The following LHFPL3 variants were observed in gnomAD, a reference collection of about 807,000 sequenced individuals.
LHFPL3 encodes LHFPL tetraspan subfamily member 3 protein.
In LHFPL3, 5 loss-of-function variants were observed where a neutral mutation model predicts 19.3. The ratio of observed to expected loss-of-function variants is 0.26; its 90% confidence interval spans 0.14 to 0.54. The LOEUF is 0.54. Ranked by LOEUF, LHFPL3 falls within the 20% of genes least tolerant of loss-of-function variation. The pLI, the probability that LHFPL3 is intolerant of heterozygous loss-of-function variation, is 0.94. For missense variants in LHFPL3, 249 were observed against 307.4 expected (o/e 0.81, Z 1.42); for synonymous variants, 133 against 126.2 (o/e 1.05, Z -0.36).
chr7:104,483,188 A>G (rs1195753506), intron 1 of LHFPL3, among the ~76,000 whole-genome samples: 1 of 152,198 alleles, frequency 6.6e-6, no homozygotes, highest in Non-Finnish European at 1.5e-5. Flanking sequence ...GATAAACAGG[A>G]ACCAGTCATT....
intron 1 of LHFPL3, among the ~76,000 whole-genome samples, chr7:104,536,135 C>T (rs903551545): frequency 2.0e-5 from 3 of 152,190 alleles, no homozygotes; most frequent in Non-Finnish European, 4.4e-5. Flanking sequence ...AAACTCATAT[C>T]AAGATGAAAT....
intron 1 of LHFPL3, among the ~76,000 whole-genome samples, chr7:104,652,031 G>A (rs916343335): frequency 6.6e-6 from 1 of 152,214 alleles, no homozygotes; most frequent in Non-Finnish European, 1.5e-5. Flanking sequence ...AGACCAGGAG[G>A]AGGAGAGAGG....
chr7:104,485,306 CAT>C lies in LHFPL3; in HGVS notation c.445+156085_445+156086del, dbSNP rs1308108577. On this transcript the variant is annotated intron_variant, in intron 1 of 2. Coordinates refer to ENST00000424859, the MANE Select transcript of LHFPL3 (RefSeq NM_199000.3). Reference sequence around the variant, plus strand: ...TTCTTTAAAAAAAATCAGAGATTCTCATATGTTTTATTTTCTTGGAACTACTG... The same window carrying C: ...TTCTTTAAAAAAAATCAGAGATTCTCATGTTTTATTTTCTTGGAACTACTG... 2.0e-5 allele frequency among the ~76,000 whole-genome samples: 3 copies of C among 151,918 alleles called. No individual in the cohort carries two copies. In the East Asian group the frequency reaches 5.8e-4, roughly 29 times the overall value.
intron 1 of LHFPL3, among the ~76,000 whole-genome samples, chr7:104,596,723 T>C (rs1790868897): frequency 6.6e-6 from 1 of 152,250 alleles, no homozygotes; most frequent in Non-Finnish European, 1.5e-5. Context: ...TCAGATACCG[T>C]GTAATACAAC....
intron 1 of LHFPL3, among the ~76,000 whole-genome samples, chr7:104,582,834 T>C (rs1432149397): frequency 1.3e-5 from 2 of 151,944 alleles, no homozygotes; most frequent in African/African-American, 4.8e-5. Context: ...TTTGAATCAA[T>C]TTGCTAATGT....
At chr7:104,516,339 C>T (rs537404886) in intron 1 of LHFPL3, among the ~76,000 whole-genome samples, 1 of 152,188 alleles carries the variant, frequency 6.6e-6, no homozygotes, top group Non-Finnish European at 1.5e-5. Flanking sequence ...CCTCTCACAA[C>T]ACGTGGGGAT....
At chr7:104,360,776 C>T (rs1274090919) in intron 1 of LHFPL3, among the ~76,000 whole-genome samples, 3 of 146,744 alleles carry the variant, frequency 2.0e-5, no homozygotes, top group Non-Finnish European at 4.5e-5. Flanking sequence ...AGGATGAAAA[C>T]AAGAAATACT....
intron 1 of LHFPL3, among the ~76,000 whole-genome samples, chr7:104,700,987 C>T (rs1010473556): frequency 1.3e-5 from 2 of 152,094 alleles, no homozygotes; most frequent in Non-Finnish European, 2.9e-5. Context: ...GGATCTGACA[C>T]CTTCATCTTT....
chr7:104,571,970 T>G (rs1040208554), intron 1 of LHFPL3, among the ~76,000 whole-genome samples: 1 of 152,246 alleles, frequency 6.6e-6, no homozygotes, highest in Non-Finnish European at 1.5e-5. Context: ...TTCTGAAATC[T>G]TCCCCCTTTT....
intron 2 of LHFPL3, among the ~76,000 whole-genome samples, chr7:104,816,014 T>C (rs1790555559): frequency 6.6e-6 from 1 of 152,154 alleles, no homozygotes; most frequent in Admixed American, 6.5e-5. Context: ...CCAGCACCCC[T>C]TGGCACAATG....
At chr7:104,763,680 T>C (rs1794412242) in intron 2 of LHFPL3, among the ~76,000 whole-genome samples, 1 of 149,192 alleles carries the variant, frequency 6.7e-6, no homozygotes, top group Non-Finnish European at 1.5e-5. Context: ...GTGTGGATCT[T>C]GACAAAAGCA....
At chr7:104,406,270 G>A (rs1340862026) in intron 1 of LHFPL3, among the ~76,000 whole-genome samples, 1 of 152,288 alleles carries the variant, frequency 6.6e-6, no homozygotes, top group Middle Eastern at 3.4e-3. Context: ...CAAAACTGGG[G>A]ACTTGAACCA....
At chr7:104,390,955 T>C (rs1252015407) in intron 1 of LHFPL3, among the ~76,000 whole-genome samples, 2 of 152,256 alleles carry the variant, frequency 1.3e-5, no homozygotes, top group Non-Finnish European at 2.9e-5. Flanking sequence ...CATTTTTTTA[T>C]GTGTCTGTTG....
intron 1 of LHFPL3, among the ~76,000 whole-genome samples, chr7:104,647,893 G>A (rs1791959663): frequency 6.6e-6 from 1 of 152,220 alleles, no homozygotes; most frequent in Non-Finnish European, 1.5e-5. Context: ...GTTGGGAAGT[G>A]TCAGCCAACC....
chr7:104,899,104 A>AATATATATATATATAT (rs34311079), intron 2 of LHFPL3, among the ~76,000 whole-genome samples: 2 of 148,540 alleles, frequency 1.3e-5, no homozygotes, highest in African/African-American at 4.9e-5. Flanking sequence ...CCCCATCTCT[A>AATATATATATATATAT]ATATATATAT....
intron 1 of LHFPL3, among the ~76,000 whole-genome samples, chr7:104,331,193 T>C (rs999334390): frequency 6.6e-6 from 1 of 152,208 alleles, no homozygotes; most frequent in African/African-American, 2.4e-5. Context: ...CCTTTTCTCT[T>C]TCTGGAATAG....
chr7:104,789,090 C>A (rs1344063994), intron 2 of LHFPL3, among the ~76,000 whole-genome samples: 1 of 152,162 alleles, frequency 6.6e-6, no homozygotes. Flanking sequence ...CACAATACAG[C>A]AAGATGCTCA....
intron 1 of LHFPL3, among the ~76,000 whole-genome samples, chr7:104,529,180 GGT>G (rs1477220033): frequency 6.6e-6 from 1 of 152,062 alleles, no homozygotes; most frequent in Non-Finnish European, 1.5e-5. Context: ...CAATGACTAT[GGT>G]CAGAAGAATG....
intron 1 of LHFPL3, among the ~76,000 whole-genome samples, chr7:104,498,986 A>G (rs1793545675): frequency 6.6e-6 from 1 of 152,172 alleles, no homozygotes; most frequent in Admixed American, 6.5e-5. Flanking sequence ...CCATGAGGAC[A>G]GTGGGTCTAA....
Sources: gnomAD v4.1 joint callset for allele counts (sites outside exome capture counted in the v4.1 genomes callset) on GRCh38, gnomAD v4.1.1 for gene constraint, MANE v1.5 for transcripts, NCBI Gene and HGNC (gene_info 2026-07-23, HGNC 2026-07-21) for gene names.